Variants in SP140 observed in about 807,000 individuals in gnomAD.
SP140 encodes the protein SP140 nuclear body protein.
Under a neutral mutation model 125.0 loss-of-function variants are expected in SP140, and 81 were observed. The observed-to-expected ratio is 0.65, with a 90% CI of 0.54 to 0.78. The LOEUF (loss-of-function observed/expected upper bound fraction) is 0.78, where lower values mean the gene tolerates loss of function less well. Among genes scored for constraint, SP140 ranks in the 30% least tolerant of loss-of-function variants. SP140 has a pLI of 0.00. For missense variants in SP140, 858 were observed against 1,037.0 expected (o/e 0.83, Z 2.37); for synonymous variants, 312 against 354.0 (o/e 0.88, Z 1.33).
chr2:230,308,668 C>T (rs1401661912), intron 22 of SP140, among the ~76,000 whole-genome samples: 1 of 152,226 alleles, frequency 6.6e-6, no homozygotes, highest in Non-Finnish European at 1.5e-5. Context: ...GTGTGATTGG[C>T]TTGTTTGAAT....
At chr2:230,193,879 G>A in the SP140 span, among the ~76,000 whole-genome samples, 1 of 152,152 alleles carries the variant, frequency 6.6e-6, no homozygotes, top group Non-Finnish European at 1.5e-5. Flanking sequence ...AGTATTTGTT[G>A]GGAGCAAAGA....
At chr2:230,192,831 A>G in the SP140 span, among the ~76,000 whole-genome samples, 1 of 152,222 alleles carries the variant, frequency 6.6e-6, no homozygotes, top group East Asian at 1.9e-4. Flanking sequence ...TGCTGATGAG[A>G]AGAATGTAAT....
chr2:230,255,752 G>T (rs1267644537), intron 12 of SP140, among the ~76,000 whole-genome samples: 1 of 152,206 alleles, frequency 6.6e-6, no homozygotes, highest in Non-Finnish European at 1.5e-5. Flanking sequence ...GGGATTTATT[G>T]TTTGAACATA....
intron 1 of SP140, chr2:230,212,300 T>A: frequency 7.1e-7 from 1 of 1,412,136 alleles, no homozygotes; most frequent in Non-Finnish European, 1.0e-6. Context: ...ATGTTCTCCC[T>A]TCACAGTCAC....
intron 16 of SP140, 50 bp downstream of exon 16, chr2:230,284,461 T>A (rs200291160): frequency 1.3e-6 from 2 of 1,498,388 alleles, no homozygotes; most frequent in East Asian, 2.3e-5. Flanking sequence ...ATTAGGGCAC[T>A]GTCCATTGTA....
intron 1 of SP140, among the ~76,000 whole-genome samples, chr2:230,210,482 C>T (rs963381490): frequency 1.3e-5 from 2 of 152,144 alleles, no homozygotes; most frequent in Non-Finnish European, 2.9e-5. Context: ...ATTGCTTTGA[C>T]GTCTATGTGT....
chr2:230,247,121 T>C (rs2049569913), intron 7 of SP140, among the ~76,000 whole-genome samples: 1 of 152,114 alleles, frequency 6.6e-6, no homozygotes, highest in Admixed American at 6.5e-5. Context: ...CTTTCATGTC[T>C]CTCCCATCTA....
intron 3 of SP140, among the ~76,000 whole-genome samples, chr2:230,241,193 G>A (rs1430167574): frequency 6.6e-6 from 1 of 152,102 alleles, no homozygotes; most frequent in Non-Finnish European, 1.5e-5. Flanking sequence ...CTGGGATGGT[G>A]GAAATGTTCT....
At chr2:230,233,676 A>G (rs1181479165) in intron 1 of SP140, among the ~76,000 whole-genome samples, 2 of 152,182 alleles carry the variant, frequency 1.3e-5, no homozygotes, top group Admixed American at 6.5e-5. Flanking sequence ...ACCCGTGAAT[A>G]TGTGATGTGT....
intron 23 of SP140, chr2:230,310,371 T>A (rs1256274584): frequency 2.1e-6 from 1 of 484,990 alleles, no homozygotes. Flanking sequence ...TGCTTATTCA[T>A]ACAAGACAGG....
upstream of SP140, chr2:230,221,677 T>C (rs2045833276): frequency 6.5e-7 from 1 of 1,535,122 alleles, no homozygotes; most frequent in Non-Finnish European, 8.7e-7. Context: ...ATTAAGGTTA[T>C]TTTATGCAAA....
intron 1 of SP140, among the ~76,000 whole-genome samples, chr2:230,207,009 G>T (rs1373116518): frequency 6.6e-6 from 1 of 152,056 alleles, no homozygotes; most frequent in Admixed American, 6.5e-5. Flanking sequence ...CCCAGAACTT[G>T]GAGACATCTT....
intron 12 of SP140, among the ~76,000 whole-genome samples, chr2:230,264,805 A>G (rs1453529564): frequency 6.6e-6 from 1 of 152,196 alleles, no homozygotes; most frequent in African/African-American, 2.4e-5. Context: ...GGTTGTCTGC[A>G]CAGAGTCCTG....
chr2:230,264,530 G>A (rs1381252261), intron 12 of SP140, among the ~76,000 whole-genome samples: 3 of 152,056 alleles, frequency 2.0e-5, no homozygotes, highest in Admixed American at 1.3e-4. Context: ...TGTGATTTTT[G>A]GGGTGTGTTA....
chr2:230,244,957 G>A (rs1194027243), intron 5 of SP140, 31 bp from the exon 6 acceptor site: 6 of 1,498,062 alleles, frequency 4.0e-6, no homozygotes, highest in Non-Finnish European at 5.6e-6. Context: ...TGAGGTCTGT[G>A]CTCTCATCAC....
chr2:230,225,218 A>G (rs1319205048), upstream of SP140, among the ~76,000 whole-genome samples: 2 of 152,138 alleles, frequency 1.3e-5, no homozygotes, highest in Non-Finnish European at 2.9e-5. Flanking sequence ...TTAGAATTGC[A>G]CCTCATTTCT....
intron 26 of SP140, 38 bp from the exon 27 acceptor site, chr2:230,312,548 G>C (rs771192869): frequency 7.2e-7 from 1 of 1,386,966 alleles, no homozygotes; most frequent in South Asian, 1.2e-5. Flanking sequence ...TGACGCTAAT[G>C]ATGAGGAGCA....
At chr2:230,282,582 A>G (rs182654939) in intron 15 of SP140, among the ~76,000 whole-genome samples, 1 of 152,260 alleles carries the variant, frequency 6.6e-6, no homozygotes, top group East Asian at 1.9e-4. Context: ...GGATCACTTG[A>G]GGTCAGGAGT....
intron 3 of SP140, among the ~76,000 whole-genome samples, chr2:230,239,293 ATAAAATGGCG>A (rs1190970055): frequency 1.3e-5 from 2 of 152,216 alleles, no homozygotes; most frequent in Non-Finnish European, 2.9e-5. Flanking sequence ...AGTCCCTTAT[ATAAAATGGCG>A]TAGTATTTGT....
Sources: allele counts gnomAD v4.1 joint callset (sites outside exome capture counted in the v4.1 genomes callset), GRCh38; gene constraint gnomAD v4.1.1; transcripts MANE v1.5; gene names NCBI Gene and HGNC (gene_info 2026-07-23, HGNC 2026-07-21).